The following SFSWAP variants were observed in gnomAD, a reference collection of about 807,000 sequenced individuals.
SFSWAP encodes the protein splicing factor, suppressor of white-apricot homolog.
SFSWAP carries 17 observed loss-of-function variants against 100.7 expected under a neutral mutation model. The observed-to-expected ratio is 0.17, with a 90% CI of 0.12 to 0.25. The LOEUF (loss-of-function observed/expected upper bound fraction) is 0.25. Among genes scored for constraint, SFSWAP ranks in the 10% least tolerant of loss-of-function variants. The pLI is 1.00. For synonymous variants in SFSWAP, 504 were observed against 510.1 expected (o/e 0.99, Z 0.16); for missense variants, 1,005 against 1,262.6 (o/e 0.80, Z 3.09).
Position 131,786,538 on chromosome 12 carries a change from C to A in SFSWAP, c.2484C>A (p.Ala828=), listed in dbSNP as rs1186608452. The change falls in exon 15 of 18, where the codon GCC becomes GCA. Residue 828 remains alanine, a synonymous_variant. Coordinates refer to ENST00000261674, the MANE Select transcript of SFSWAP (RefSeq NM_004592.4). Reference sequence around the variant, plus strand: ...GGGAAGAGAGGAGTGTGCCCACTGCCTACCGCGTGAGCCGCAGCCCTGGGG... The same window carrying A: ...GGGAAGAGAGGAGTGTGCCCACTGCATACCGCGTGAGCCGCAGCCCTGGGG... The part of the protein sequence containing the change: ...RRREERSVPT[A]YRVSRSPGAS... 1 of 1,587,538 alleles carries A rather than the reference C, an allele frequency of 6.3e-7. No homozygotes were observed. Among genetic ancestry groups the A allele is most frequent in the Admixed American group, 1.8e-5 (1 of 55,826 alleles).
At chr12:131,764,422 A>G in intron 11 of SFSWAP, 34 bp from the exon 12 acceptor site, 2 of 1,563,728 alleles carry the variant, frequency 1.3e-6, no homozygotes, top group Non-Finnish European at 1.8e-6. Flanking sequence ...TCCACTCTGT[A>G]ACATGTATCA....
At chr12:131,771,347 G>C (rs1271454810) in intron 13 of SFSWAP, among the ~76,000 whole-genome samples, 1 of 152,170 alleles carries the variant, frequency 6.6e-6, no homozygotes, top group African/African-American at 2.4e-5. Context: ...GGAAATGTGA[G>C]CTGTGGGTCT....
chr12:131,727,338 T>C (rs1393492471), intron 6 of SFSWAP, among the ~76,000 whole-genome samples: 2 of 152,218 alleles, frequency 1.3e-5, no homozygotes, highest in Admixed American at 6.5e-5. Context: ...AGTAGAGTGT[T>C]GGTTAAGACT....
chr12:131,719,659 G>A, intron 4 of SFSWAP, 120 bp downstream of exon 4: 1 of 760,030 alleles, frequency 1.3e-6, no homozygotes, highest in Non-Finnish European at 2.2e-6. Context: ...CTTTAAAATG[G>A]TTTGTGAGTT....
intron 13 of SFSWAP, among the ~76,000 whole-genome samples, chr12:131,771,172 A>G (rs918682007): frequency 6.6e-6 from 1 of 152,034 alleles, no homozygotes; most frequent in Non-Finnish European, 1.5e-5. Flanking sequence ...TACCCTACAT[A>G]TTTTTCTGAC....
chr12:131,726,751 G>A (rs766009762), intron 5 of SFSWAP, among the ~76,000 whole-genome samples, 189 bp from the exon 6 acceptor site: 3 of 152,164 alleles, frequency 2.0e-5, no homozygotes, highest in Non-Finnish European at 2.9e-5. Flanking sequence ...TCACCAAATG[G>A]GCAAAGGTCG....
At chr12:131,793,008 A>C (rs1885383258) in intron 15 of SFSWAP, among the ~76,000 whole-genome samples, 1 of 152,240 alleles carries the variant, frequency 6.6e-6, no homozygotes, top group Non-Finnish European at 1.5e-5. Flanking sequence ...AATAGAAAGT[A>C]CAGAAAAAAA....
At chr12:131,785,450 C>A (rs1320319748) in intron 14 of SFSWAP, 1 of 447,032 alleles carries the variant, frequency 2.2e-6, no homozygotes, top group Admixed American at 3.9e-5. Flanking sequence ...ATGGCAAAAT[C>A]AAACCGCTCT....
rs745843574 is a variant in SFSWAP, at chr12:131,756,656, C to T, written c.1720+12C>T. On this transcript the variant is annotated intron_variant, in intron 11 of 17. Transcript: ENST00000261674. ...GAAGCTGGTGAAAGGTATGCTGCCA[C>T]TTGCATGTTGGCCTTGCACATTCCA... 3 of 1,571,384 alleles carry T rather than the reference C, an allele frequency of 1.9e-6. No homozygotes were observed. The highest frequency in any genetic ancestry group is 1.4e-5 in the African/African-American group (1 of 73,670).
At chr12:131,747,673 C>G (rs1881263910) in intron 7 of SFSWAP, among the ~76,000 whole-genome samples, 2 of 152,186 alleles carry the variant, frequency 1.3e-5, no homozygotes, top group African/African-American at 4.8e-5. Flanking sequence ...CATCGGGCGT[C>G]AGCCTTGGGG....
At chr12:131,791,625 G>T (rs545275184) in intron 15 of SFSWAP, among the ~76,000 whole-genome samples, 1 of 151,806 alleles carries the variant, frequency 6.6e-6, no homozygotes, top group South Asian at 2.1e-4. Flanking sequence ...GGTAGTGTGC[G>T]TCTGTAATCC....
intron 13 of SFSWAP, among the ~76,000 whole-genome samples, chr12:131,770,785 A>G (rs1034062801): frequency 3.3e-5 from 5 of 152,106 alleles, no homozygotes; most frequent in Admixed American, 6.5e-5. Flanking sequence ...TTACCACCCA[A>G]CCGTTCCCAG....
chr12:131,762,897 C>T (rs539987301), intron 11 of SFSWAP, among the ~76,000 whole-genome samples: 8 of 152,274 alleles, frequency 5.3e-5, no homozygotes, highest in East Asian at 3.9e-4. Context: ...CTGCACCCGG[C>T]CAATTTTTTT....
rs544955344 is a variant in SFSWAP, at chr12:131,796,839, G to A, written c.2535-339G>A. 4 of 218,376 alleles carry A rather than the reference G, an allele frequency of 1.8e-5. No individual in the cohort carries two copies. In the East Asian group the frequency reaches 4.2e-4, roughly 23 times the overall value. The allele number at this position is 218,376 out of a possible 1,614,324, so 13.5% of individuals were successfully genotyped here. On this transcript the variant is annotated intron_variant, in intron 15 of 17. Transcript: ENST00000261674. ...GTATTGATACTTTAATAAATTTCCT[G>A]TATCTTTTTGGAAATTTTTATTGAT...
At position 131,753,276 on chromosome 12, in the gene SFSWAP, C is replaced by T. The variant is rs1173987057; in HGVS notation, c.1235C>T (p.Ala412Val). Residue 412 changes from alanine to valine, a missense_variant, in exon 8 of 18, where the codon GCC becomes GTC. Ala to Val is a moderately conservative substitution (Grantham distance 64). Around this residue, in one of 7 missense-constraint regions of SFSWAP, gnomAD observed 311 missense variants for 317.8 expected, o/e 0.98. Coordinates refer to ENST00000261674, the MANE Select transcript of SFSWAP (RefSeq NM_004592.4). Reference sequence around the variant, plus strand: ...AACTCCCCTGGAGTGACGACCACCGCCCCACCACCTCCTGGGACCACACCA... The same window carrying T: ...AACTCCCCTGGAGTGACGACCACCGTCCCACCACCTCCTGGGACCACACCA... ...VSNSPGVTTT[A>V]PPPPGTTPLP... The T allele has an allele frequency of 2.5e-6, 4 of 1,613,386 alleles. No individual in the cohort carries two copies. The East Asian group carries it at 8.9e-5, about 36-fold the overall frequency.
At chr12:131,779,612 G>C (rs1452917007) in intron 14 of SFSWAP, among the ~76,000 whole-genome samples, 1 of 147,150 alleles carries the variant, frequency 6.8e-6, no homozygotes, top group African/African-American at 2.4e-5. Flanking sequence ...ACGCCGCACT[G>C]ACTGTGCTCA....
intron 13 of SFSWAP, among the ~76,000 whole-genome samples, chr12:131,771,516 C>T (rs1883598228): frequency 6.6e-6 from 1 of 152,102 alleles, no homozygotes; most frequent in Admixed American, 6.5e-5. Context: ...TTTATTTGCC[C>T]CCGTAGGGTG....
intron 7 of SFSWAP, among the ~76,000 whole-genome samples, chr12:131,742,163 G>A (rs1880703715): frequency 6.6e-6 from 1 of 152,198 alleles, no homozygotes; most frequent in Non-Finnish European, 1.5e-5. Context: ...ATATGTGTCA[G>A]GCAGGGCCCC....
In SFSWAP at chr12:131,725,063, G is replaced by A. The variant is rs1440581279; in HGVS notation, c.607-342G>A. Among the ~76,000 whole-genome samples, 2 of 152,184 alleles carry A rather than the reference G, an allele frequency of 1.3e-5. No individual in the cohort carries two copies. Among genetic ancestry groups the A allele is most frequent in the African/African-American group, 2.4e-5 (1 of 41,440 alleles). ...CCTCTCCCTAGAAAAGTGCTTGTTT[G>A]TAAAATTCACATGCACAGAGGATTC... On this transcript the variant is annotated intron_variant, in intron 4 of 17. Transcript: ENST00000261674. This position sits in a 1 kb window ranked among gnomAD's most constrained non-coding sequence, Gnocchi z 4.3.
Sources: gnomAD v4.1 joint callset for allele counts (sites outside exome capture counted in the v4.1 genomes callset) on GRCh38, gnomAD v4.1.1 for gene constraint, gnomAD v4.1.1 regional missense constraint, Gnocchi (gnomAD v3.1) non-coding constraint, MANE v1.5 for transcripts, NCBI Gene and HGNC (gene_info 2026-07-23, HGNC 2026-07-21) for gene names.